LMBR1: variants seen among roughly 807,000 people sequenced by gnomAD.
LMBR1 encodes limb development membrane protein 1, also known as limb region 1 protein homolog.
Under a neutral mutation model 73.9 loss-of-function variants are expected in LMBR1, and 52 were observed. The observed-to-expected ratio is 0.70, with a 90% CI of 0.56 to 0.89. The LOEUF is 0.89. Among genes scored for constraint, LMBR1 ranks in the 40% least tolerant of loss-of-function variants. The probability of loss-of-function intolerance (pLI) is 0.00; values close to 1 mark genes in which losing one functional copy is unlikely to be tolerated. For synonymous variants in LMBR1, 215 were observed against 209.4 expected (o/e 1.03, Z -0.23); for missense variants, 539 against 579.8 (o/e 0.93, Z 0.72).
intron 4 of LMBR1, among the ~76,000 whole-genome samples, chr7:156,805,302 C>T (rs1458098086): frequency 6.6e-6 from 1 of 151,126 alleles, no homozygotes. Flanking sequence ...CTGCAACCTC[C>T]GCCTCCCAGG....
At chr7:156,801,692 A>T (rs1267378725) in intron 4 of LMBR1, among the ~76,000 whole-genome samples, 1 of 152,076 alleles carries the variant, frequency 6.6e-6, no homozygotes. Flanking sequence ...CCACCGTGCC[A>T]GGCTGATTTT....
chr7:156,677,111 T>C (rs147124990), downstream of LMBR1: 1 of 155,698 alleles, frequency 6.4e-6, no homozygotes, highest in African/African-American at 2.4e-5. Context: ...AAATATTCAG[T>C]GGTATTCAAC....
At position 156,890,032 on chromosome 7, in the gene LMBR1, C is replaced by G. The variant is rs1298229801; in HGVS notation, c.66+2896G>C. Among the ~76,000 whole-genome samples the G allele has an allele frequency of 5.9e-5, 9 of 152,118 alleles. No homozygotes were observed. In the South Asian group the frequency reaches 1.0e-3, roughly 18 times the overall value. On this transcript the variant is annotated intron_variant, in intron 1 of 16. Coordinates refer to ENST00000353442, the MANE Select transcript of LMBR1 (RefSeq NM_022458.4). Reference sequence around the variant, plus strand: ...TTTTAAAAAATAATAAAACTAAAGACAAATAGACCAATAAAACCACATAAA... The same window carrying G: ...TTTTAAAAAATAATAAAACTAAAGAGAAATAGACCAATAAAACCACATAAA...
At chr7:156,692,338 A>T (rs1236938265) in intron 15 of LMBR1, among the ~76,000 whole-genome samples, 1 of 152,180 alleles carries the variant, frequency 6.6e-6, no homozygotes, top group East Asian at 1.9e-4. Context: ...GGACCTCCCA[A>T]AGTGCTGGGA....
At chr7:156,844,010 G>A (rs1468205218) in intron 1 of LMBR1, among the ~76,000 whole-genome samples, 1 of 151,970 alleles carries the variant, frequency 6.6e-6, no homozygotes, top group Non-Finnish European at 1.5e-5. Flanking sequence ...ACAAATGTAA[G>A]TATTATTATT....
chr7:156,739,014 G>A (rs1227202774), intron 9 of LMBR1, among the ~76,000 whole-genome samples: 2 of 152,150 alleles, frequency 1.3e-5, no homozygotes, highest in African/African-American at 4.8e-5. Flanking sequence ...TAGAGTATCA[G>A]GTGGGCTCTT....
At chr7:156,832,908 T>C (rs1365381596) in intron 3 of LMBR1, among the ~76,000 whole-genome samples, 2 of 152,214 alleles carry the variant, frequency 1.3e-5, no homozygotes, top group Non-Finnish European at 2.9e-5. Context: ...AAATGCAATG[T>C]GTGATTCTGA....
chr7:156,803,876 A>G (rs1156332514), intron 4 of LMBR1, among the ~76,000 whole-genome samples: 1 of 151,666 alleles, frequency 6.6e-6, no homozygotes, highest in Non-Finnish European at 1.5e-5. Flanking sequence ...CATCATTCTC[A>G]GCAAACTATC....
Position 156,756,355 on chromosome 7 carries a change from T to C in LMBR1, c.757+38A>G, listed in dbSNP as rs762195122. 3 of 985,648 alleles carry C rather than the reference T, an allele frequency of 3.0e-6. No homozygotes were observed. In the South Asian group the frequency reaches 4.1e-5, roughly 13 times the overall value. The allele number at this position is 985,648 out of a possible 1,614,324, so 61.1% of individuals were successfully genotyped here. A position where few individuals can be genotyped will look rare whatever the true frequency, so the allele number is the denominator to read the frequency against. The stretch of plus-strand genomic sequence containing the variant: ...ATCTATCTTTTTGAAATTAAAAAGA[T>C]TTTTTTATCCCCGTCTAAATATGTA... On this transcript the variant is annotated intron_variant, in intron 9 of 16. Coordinates refer to ENST00000353442, the MANE Select transcript of LMBR1 (RefSeq NM_022458.4).
At chr7:156,703,509 A>G (rs1267081736) in intron 15 of LMBR1, among the ~76,000 whole-genome samples, 3 of 152,160 alleles carry the variant, frequency 2.0e-5, no homozygotes, top group Non-Finnish European at 4.4e-5. Context: ...TCGCTGCCAC[A>G]GTCGGAACAA....
chr7:156,834,508 T>C (rs2133897988), intron 2 of LMBR1: 1 of 304,582 alleles, frequency 3.3e-6, no homozygotes, highest in Non-Finnish European at 6.6e-6. Flanking sequence ...GAGGCTGAGG[T>C]TGGAGAATCA....
intron 9 of LMBR1, among the ~76,000 whole-genome samples, chr7:156,735,325 G>A (rs899690638): frequency 5.9e-5 from 9 of 152,096 alleles, no homozygotes; most frequent in African/African-American, 2.2e-4. Context: ...TGTGATGGGT[G>A]GAAAATGTTT....
chr7:156,877,458 A>C (rs1246865223), intron 1 of LMBR1, among the ~76,000 whole-genome samples: 2 of 152,240 alleles, frequency 1.3e-5, no homozygotes, highest in African/African-American at 4.8e-5. Flanking sequence ...AACAAACTAC[A>C]GACCAATATC....
chr7:156,832,224 A>G (rs932184525), intron 3 of LMBR1, among the ~76,000 whole-genome samples: 1 of 152,218 alleles, frequency 6.6e-6, no homozygotes. Context: ...AATCTAGTAA[A>G]TCACAATCCA....
chr7:156,734,652 A>G (rs577520985), intron 9 of LMBR1, among the ~76,000 whole-genome samples: 1 of 152,204 alleles, frequency 6.6e-6, no homozygotes, highest in Non-Finnish European at 1.5e-5. Flanking sequence ...TAAGAATATT[A>G]AAAATAAATG....
chr7:156,890,260 ACATCAGTC>A (rs1802663440), intron 1 of LMBR1, among the ~76,000 whole-genome samples: 1 of 152,184 alleles, frequency 6.6e-6, no homozygotes, highest in South Asian at 2.1e-4. Flanking sequence ...GAAGAAGAGA[ACATCAGTC>A]TTAGAGTAAG....
In LMBR1 at chr7:156,684,027, GA is replaced by G. The variant is rs1563126621; in HGVS notation, c.*50del. On this transcript the variant is annotated 3_prime_UTR_variant, in exon 17 of 17. Coordinates refer to ENST00000353442, the MANE Select transcript of LMBR1 (RefSeq NM_022458.4). ...CTTCTACATGGGACAGGAATGTCGTGAATCTGGAGTTCTCGGGTCTCTTGGT... is the reference window on the plus strand; with the variant it reads ...CTTCTACATGGGACAGGAATGTCGTGATCTGGAGTTCTCGGGTCTCTTGGT... 1 of 1,421,524 alleles carries G rather than the reference GA, an allele frequency of 7.0e-7. No homozygotes were observed. The highest frequency in any genetic ancestry group is 1.1e-5 in the South Asian group (1 of 86,966). The allele number at this position is 1,421,524 out of a possible 1,614,324, so 88.1% of individuals were successfully genotyped here.
intron 5 of LMBR1, among the ~76,000 whole-genome samples, chr7:156,766,198 T>C (rs1430559875): frequency 6.6e-6 from 1 of 152,124 alleles, no homozygotes; most frequent in Non-Finnish European, 1.5e-5. Context: ...AACTGTCTTC[T>C]TAAGGTCGTA....
chr7:156,809,921 T>G (rs1832796411), intron 4 of LMBR1, among the ~76,000 whole-genome samples: 1 of 152,188 alleles, frequency 6.6e-6, no homozygotes, highest in Non-Finnish European at 1.5e-5. Flanking sequence ...TTTATAGTTC[T>G]CATCAATTTT....
Sources: gnomAD v4.1 joint callset for allele counts (sites outside exome capture counted in the v4.1 genomes callset) on GRCh38, gnomAD v4.1.1 for gene constraint, MANE v1.5 for transcripts, NCBI Gene and HGNC (gene_info 2026-07-23, HGNC 2026-07-21) for gene names.